Variants in FSD1L observed in about 807,000 individuals in gnomAD.
FSD1L encodes FSD1-like protein.
A neutral mutation model predicts 71.6 loss-of-function variants in FSD1L; 45 were observed. The ratio of observed to expected loss-of-function variants is 0.63; its 90% CI spans 0.49 to 0.81. The LOEUF is 0.81. Ranked by LOEUF, FSD1L falls within the 30% of genes least tolerant of loss-of-function variation. The probability of loss-of-function intolerance (pLI) is 0.00; values close to 1 mark genes in which losing one functional copy is unlikely to be tolerated. For missense variants in FSD1L, 561 were observed against 618.1 expected (o/e 0.91, Z 0.98); for synonymous variants, 197 against 207.2 (o/e 0.95, Z 0.42).
intron 9 of FSD1L, among the ~76,000 whole-genome samples, chr9:105,511,693 A>T (rs1030115305): frequency 6.6e-6 from 1 of 152,162 alleles, no homozygotes; most frequent in Non-Finnish European, 1.5e-5. Flanking sequence ...AACAATGAAC[A>T]ATAGCTCCAA....
chr9:105,492,377 A>G (rs977865127), intron 7 of FSD1L, among the ~76,000 whole-genome samples: 9 of 151,546 alleles, frequency 5.9e-5, no homozygotes, highest in Non-Finnish European at 1.2e-4. Flanking sequence ...TGTCTATTTG[A>G]TTCTTCTCTC....
intron 7 of FSD1L, among the ~76,000 whole-genome samples, chr9:105,499,158 T>C (rs1460206354): frequency 2.0e-5 from 3 of 152,210 alleles, no homozygotes; most frequent in Admixed American, 1.3e-4. Flanking sequence ...ATGCAGTTGA[T>C]TGATGGAGTT....
intron 10 of FSD1L, among the ~76,000 whole-genome samples, chr9:105,526,870 C>T (rs901922737): frequency 1.3e-5 from 2 of 151,758 alleles, no homozygotes; most frequent in African/African-American, 2.4e-5. Context: ...GACAATTAGT[C>T]TCATTATTTA....
intron 7 of FSD1L, among the ~76,000 whole-genome samples, chr9:105,490,616 T>A (rs1204972323): frequency 6.9e-6 from 1 of 145,060 alleles, no homozygotes; most frequent in African/African-American, 2.6e-5. Context: ...CTAGGTTTTC[T>A]TCTAGGGTTT....
At chr9:105,534,635 G>A (rs1836146737) in intron 11 of FSD1L, 42 bp downstream of exon 11, 1 of 1,148,840 alleles carries the variant, frequency 8.7e-7, no homozygotes, top group East Asian at 2.6e-5. Flanking sequence ...TCAGATTAAA[G>A]GCATCACAAT....
At chr9:105,525,276 T>A (rs1835435857) in intron 10 of FSD1L, 1 of 1,607,632 alleles carries the variant, frequency 6.2e-7, no homozygotes, top group Admixed American at 1.7e-5. Context: ...CAATAAGAGA[T>A]GAAGAAGATG....
At chr9:105,446,544 T>TA (rs1829652268), upstream of FSD1L, among the ~76,000 whole-genome samples, 1 of 151,808 alleles carries the variant, frequency 6.6e-6, no homozygotes, top group South Asian at 2.1e-4. Context: ...TTTTTTTTTT[T>TA]AATTTCTGTA....
intron 10 of FSD1L, among the ~76,000 whole-genome samples, chr9:105,533,297 A>G (rs1836016361): frequency 6.6e-6 from 1 of 151,732 alleles, no homozygotes; most frequent in African/African-American, 2.4e-5. Flanking sequence ...AGTTTTCCAT[A>G]TATCATATAA....
At chr9:105,516,985 C>T (rs143773859) in intron 10 of FSD1L, among the ~76,000 whole-genome samples, 1,777 of 152,176 alleles carry the variant, frequency 0.012, 53 homozygotes, top group African/African-American at 0.041. Context: ...ATATAAATGA[C>T]CCGATGGAGC....
rs1836187189 is a variant in FSD1L, at chr9:105,535,119, G to A, written c.1179G>A (p.Lys393=). ...GQHYWEVKAQ[K]DCKSYSVGVA... is the part of the protein sequence containing the mutation. ...ATTATTGGGAGGTCAAGGCCCAGAAGGATTGTAAATCCTACAGTGTGGGAG... is the reference window on the plus strand; with the variant it reads ...ATTATTGGGAGGTCAAGGCCCAGAAAGATTGTAAATCCTACAGTGTGGGAG... Residue 393 remains lysine, a synonymous_variant, in exon 12 of 14, where the codon AAG becomes AAA. Coordinates refer to ENST00000481272, the MANE Select transcript of FSD1L (RefSeq NM_001145313.3). The A allele has an allele frequency of 1.9e-6, 3 of 1,551,678 alleles. No homozygotes were observed. Among genetic ancestry groups the A allele is most frequent in the Non-Finnish European group, 2.6e-6 (3 of 1,146,912 alleles).
At chr9:105,525,314 G>A (rs372492461) in intron 10 of FSD1L, 7 of 1,607,788 alleles carry the variant, frequency 4.4e-6, no homozygotes, top group Non-Finnish European at 5.1e-6. Flanking sequence ...CAGTATTTGG[G>A]TGTTACTAGT....
chr9:105,539,247 T>G lies in FSD1L; in HGVS notation c.1379-16T>G, dbSNP rs1836456861. 13 of 1,257,326 alleles carry G rather than the reference T, an allele frequency of 1.0e-5. No individual in the cohort carries two copies. The highest frequency in any genetic ancestry group is 1.4e-5 in the Non-Finnish European group (13 of 907,686). The allele number at this position is 1,257,326 out of a possible 1,614,324, so 77.9% of individuals were successfully genotyped here. On this transcript the variant is annotated splice_polypyrimidine_tract_variant and intron_variant, in intron 12 of 13. Coordinates refer to ENST00000481272, the MANE Select transcript of FSD1L (RefSeq NM_001145313.3). Reference sequence around the variant, plus strand: ...TTTTTGTATAATAAATTAGGCTTTTTTTCCTTCTTTTTTAGGTCAACTTTC... The same window carrying G: ...TTTTTGTATAATAAATTAGGCTTTTGTTCCTTCTTTTTTAGGTCAACTTTC...
chr9:105,542,015 T>G (rs1221046494), intron 13 of FSD1L, among the ~76,000 whole-genome samples: 1 of 152,252 alleles, frequency 6.6e-6, no homozygotes, highest in East Asian at 1.9e-4. Context: ...TATTCATTCA[T>G]TCACCAGTTG....
At chr9:105,471,042 T>G (rs985004307) in intron 4 of FSD1L, among the ~76,000 whole-genome samples, 1 of 152,140 alleles carries the variant, frequency 6.6e-6, no homozygotes, top group African/African-American at 2.4e-5. Context: ...TACTTTTTCT[T>G]TACCAGAGCA....
At chr9:105,449,811 C>T (rs1354057130) in intron 1 of FSD1L, among the ~76,000 whole-genome samples, 2 of 145,550 alleles carry the variant, frequency 1.4e-5, no homozygotes, top group Non-Finnish European at 3.0e-5. Flanking sequence ...ATGCTACTAG[C>T]CCTAAGGCTA....
At position 105,549,394 on chromosome 9, in the gene FSD1L, A is replaced by G. The variant is rs1837175832; in HGVS notation, c.*2911A>G. 6.6e-6 allele frequency: 1 copy of G among 152,072 alleles called. No individual in the cohort carries two copies. Among genetic ancestry groups the G allele is most frequent in the Admixed American group, 6.6e-5 (1 of 15,256 alleles). 9.4% of individuals were successfully genotyped at this position (152,072 alleles called of 1,614,324 possible). On this transcript the variant is annotated 3_prime_UTR_variant, in exon 14 of 14. Coordinates refer to ENST00000481272, the MANE Select transcript of FSD1L (RefSeq NM_001145313.3). Reference sequence around the variant, plus strand: ...TGTCATTATGTCTTTAAATTTTGGTAAATATGTAGATACCAAGCATTAATA... The same window carrying G: ...TGTCATTATGTCTTTAAATTTTGGTGAATATGTAGATACCAAGCATTAATA...
intron 7 of FSD1L, among the ~76,000 whole-genome samples, chr9:105,486,782 GA>G (rs1233053493): frequency 2.0e-5 from 3 of 151,888 alleles, no homozygotes; most frequent in African/African-American, 4.8e-5. Context: ...ATTTTTGTTG[GA>G]AAAAAATATA....
At chr9:105,453,428 C>T (rs1259979772) in intron 1 of FSD1L, among the ~76,000 whole-genome samples, 1 of 152,078 alleles carries the variant, frequency 6.6e-6, no homozygotes, top group African/African-American at 2.4e-5. Context: ...CTCAGATGAT[C>T]CTCCCAAAGT....
intron 10 of FSD1L, chr9:105,524,345 C>A: frequency 6.2e-7 from 1 of 1,613,896 alleles, no homozygotes; most frequent in South Asian, 1.1e-5. Flanking sequence ...TTATTCAGAT[C>A]CTAATAGCTA....
Sources: allele counts gnomAD v4.1 joint callset (sites outside exome capture counted in the v4.1 genomes callset), GRCh38; gene constraint gnomAD v4.1.1; transcripts MANE v1.5; gene names NCBI Gene and HGNC (gene_info 2026-07-23, HGNC 2026-07-21).